MYO5B: variants seen among roughly 807,000 people sequenced by gnomAD.
The protein encoded by MYO5B is unconventional myosin-Vb.
MYO5B carries 143 observed loss-of-function variants against 229.3 expected under a neutral mutation model. The ratio of observed to expected loss-of-function variants is 0.62; its 90% CI spans 0.54 to 0.72. The LOEUF (loss-of-function observed/expected upper bound fraction) is 0.72, where lower values mean the gene tolerates loss of function less well. Among genes scored for constraint, MYO5B ranks in the 30% least tolerant of loss-of-function variants. The pLI, the probability that MYO5B is intolerant of heterozygous loss-of-function variation, is 0.00. For synonymous variants in MYO5B, 918 were observed against 885.2 expected (o/e 1.04, Z -0.66); for missense variants, 2,321 against 2,331.0 (o/e 1.00, Z 0.09).
intron 30 of MYO5B, among the ~76,000 whole-genome samples, chr18:49,855,789 T>C (rs2024255261): frequency 6.6e-6 from 1 of 152,188 alleles, no homozygotes; most frequent in Admixed American, 6.5e-5. Flanking sequence ...ACTTTCTTTT[T>C]CCAAGAAGAG....
intron 1 of MYO5B, among the ~76,000 whole-genome samples, chr18:50,078,846 T>C (rs1599004383): frequency 6.6e-6 from 1 of 152,106 alleles, no homozygotes; most frequent in Non-Finnish European, 1.5e-5. Flanking sequence ...AAACCCAATG[T>C]TCATTAACAG....
rs201699682 is a variant in MYO5B, at chr18:50,152,609, C to T, written c.27+42158G>A. ...GGTCTTGACATCACAAGCTTTGCCA[C>T]ATAAGAACTACAACATGAGAGCAGG... On this transcript the variant is annotated intron_variant, in intron 1 of 39. Transcript: ENST00000285039. Among the ~76,000 whole-genome samples, 4 of 152,310 alleles carry T rather than the reference C, an allele frequency of 2.6e-5. No homozygotes were observed. In the East Asian group the frequency reaches 7.7e-4, roughly 29 times the overall value.
rs1048386963 is a variant in MYO5B at position 49,864,266 on chromosome 18, A to G, written c.3718T>C (p.Tyr1240His). 71 of 1,614,190 alleles carry G rather than the reference A, an allele frequency of 4.4e-5. No individual in the cohort carries two copies. The highest frequency in any genetic ancestry group is 5.9e-5 in the Non-Finnish European group (70 of 1,180,042). ...TTGAGCTGGTTCAGCAGGAGGCTGTAGCTATCTGGGGAGCCGTGGCTGGAG... is the reference window on the plus strand; with the variant it reads ...TTGAGCTGGTTCAGCAGGAGGCTGTGGCTATCTGGGGAGCCGTGGCTGGAG... ...NNSSHGSPDS[Y>H]SLLLNQLKLA... The change falls in exon 28 of 40, where the codon TAC becomes CAC. Residue 1240 changes from tyrosine (Y) to histidine (H), a missense_variant. Tyr to His is a moderately conservative substitution (Grantham distance 83, BLOSUM62 2). Coordinates refer to ENST00000285039, the MANE Select transcript of MYO5B (RefSeq NM_001080467.3).
chr18:50,149,053 G>C (rs1052303792), intron 1 of MYO5B, among the ~76,000 whole-genome samples: 2 of 151,830 alleles, frequency 1.3e-5, no homozygotes, highest in Non-Finnish European at 1.5e-5. Context: ...GACAAACAGA[G>C]AGCCAAATCA....
At chr18:49,914,392 G>C (rs993684644) in intron 17 of MYO5B, among the ~76,000 whole-genome samples, 1 of 152,170 alleles carries the variant, frequency 6.6e-6, no homozygotes, top group Non-Finnish European at 1.5e-5. Flanking sequence ...CACTCATTTC[G>C]AGATATTAAA....
Position 49,864,253 on chromosome 18 carries a change from A to G in MYO5B, c.3731T>C (p.Leu1244Pro), listed in dbSNP as rs766403576. Residue 1244 changes from leucine to proline, a missense_variant, in exon 28 of 40, where the codon CTG (leucine) becomes CCG (proline). Coordinates refer to ENST00000285039, the MANE Select transcript of MYO5B (RefSeq NM_001080467.3). Reference protein sequence around the residue: ...HGSPDSYSLLLNQLKLAHEEL... With the variant: ...HGSPDSYSLLPNQLKLAHEEL... ...CTCGTGGGCCAGCTTGAGCTGGTTC[A>G]GCAGGAGGCTGTAGCTATCTGGGGA... The G allele has an allele frequency of 1.4e-5, 22 of 1,614,050 alleles. No homozygotes were observed. In the Admixed American group the frequency reaches 3.7e-4, roughly 27 times the overall value.
intron 3 of MYO5B, 119 bp downstream of exon 3, chr18:50,040,024 G>T (rs919474863): frequency 2.6e-6 from 3 of 1,157,982 alleles, no homozygotes; most frequent in African/African-American, 1.5e-5. Context: ...AAGGGTCTCA[G>T]TGGAGAGATA....
chr18:49,975,305 G>C (rs1276106473), intron 9 of MYO5B, among the ~76,000 whole-genome samples: 1 of 152,114 alleles, frequency 6.6e-6, no homozygotes, highest in Non-Finnish European at 1.5e-5. Flanking sequence ...AAAATAACAT[G>C]ATGGGCCAGA....
intron 27 of MYO5B, among the ~76,000 whole-genome samples, chr18:49,866,033 TGTG>T (rs2024391614): frequency 6.6e-6 from 1 of 152,184 alleles, no homozygotes; most frequent in Admixed American, 6.5e-5. Context: ...CATGCTTTAT[TGTG>T]GTAAAAAATA....
intron 2 of MYO5B, among the ~76,000 whole-genome samples, chr18:50,042,416 G>A (rs1179362203): frequency 6.6e-6 from 1 of 152,068 alleles, no homozygotes; most frequent in African/African-American, 2.4e-5. Context: ...CTTTGTTAGT[G>A]GGATTTCCTT....
chr18:50,093,173 C>T (rs1187688347), intron 1 of MYO5B, among the ~76,000 whole-genome samples: 2 of 145,856 alleles, frequency 1.4e-5, no homozygotes, highest in Non-Finnish European at 3.0e-5. Flanking sequence ...AACCTATGAG[C>T]TTTGTGCCAC....
At chr18:49,950,064 T>C (rs2025416270) in intron 14 of MYO5B, among the ~76,000 whole-genome samples, 1 of 152,210 alleles carries the variant, frequency 6.6e-6, no homozygotes, top group Non-Finnish European at 1.5e-5. Context: ...ACAGCAACAA[T>C]CTTTGCTTTC....
intron 1 of MYO5B, among the ~76,000 whole-genome samples, chr18:50,150,276 G>T (rs1386246714): frequency 1.4e-5 from 2 of 144,452 alleles, no homozygotes. Flanking sequence ...TCAGTGTGGC[G>T]ATTCCTCAGG....
chr18:49,901,410 C>A (rs2024840157), intron 21 of MYO5B, among the ~76,000 whole-genome samples: 1 of 152,150 alleles, frequency 6.6e-6, no homozygotes, highest in Non-Finnish European at 1.5e-5. Context: ...TGTACGGTAC[C>A]CAACCCCCTA....
intron 1 of MYO5B, among the ~76,000 whole-genome samples, chr18:50,184,233 A>G (rs1266530971): frequency 6.6e-6 from 1 of 152,112 alleles, no homozygotes; most frequent in Non-Finnish European, 1.5e-5. Flanking sequence ...AAGCACCAGG[A>G]TGCACGTGGG....
chr18:50,022,533 A>T (rs1488847669), intron 4 of MYO5B, among the ~76,000 whole-genome samples: 1 of 152,218 alleles, frequency 6.6e-6, no homozygotes, highest in Admixed American at 6.5e-5. Flanking sequence ...GACAAGGGAC[A>T]AATGCCACAG....
chr18:49,839,081 C>T, intron 36 of MYO5B, 63 bp downstream of exon 36: 2 of 1,602,198 alleles, frequency 1.2e-6, no homozygotes. Flanking sequence ...AGGGTGCTGA[C>T]CACGCCTTCC....
At chr18:50,088,888 G>C (rs1229916387) in intron 1 of MYO5B, among the ~76,000 whole-genome samples, 3 of 152,188 alleles carry the variant, frequency 2.0e-5, no homozygotes, top group Non-Finnish European at 2.9e-5. Flanking sequence ...TGGCCCAACA[G>C]AAGGCATATG....
At chr18:50,151,016 T>C (rs1038334135) in intron 1 of MYO5B, among the ~76,000 whole-genome samples, 2 of 152,144 alleles carry the variant, frequency 1.3e-5, no homozygotes, top group African/African-American at 2.4e-5. Context: ...AAAGGTTAAC[T>C]CTTCAAGGCC....
Sources: allele counts gnomAD v4.1 joint callset (sites outside exome capture counted in the v4.1 genomes callset), GRCh38; gene constraint gnomAD v4.1.1; transcripts MANE v1.5; gene names NCBI Gene and HGNC (gene_info 2026-07-23, HGNC 2026-07-21).